The following PTPRN2 variants were observed in gnomAD, a reference collection of about 807,000 sequenced individuals.
PTPRN2 encodes receptor-type tyrosine-protein phosphatase N2.
Under a neutral mutation model 118.8 loss-of-function variants are expected in PTPRN2, and 74 were observed. The observed-to-expected ratio is 0.62, with a 90% CI of 0.52 to 0.76. The LOEUF is 0.76. PTPRN2 is among the 30% of genes least tolerant of loss of function. PTPRN2 has a pLI of 0.00. For missense variants in PTPRN2, 1,481 were observed against 1,394.4 expected (o/e 1.06, Z -0.99); for synonymous variants, 641 against 608.0 (o/e 1.05, Z -0.80).
At chr7:158,394,968 C>T (rs921090208) in intron 2 of PTPRN2, among the ~76,000 whole-genome samples, 1 of 152,236 alleles carries the variant, frequency 6.6e-6, no homozygotes, top group Non-Finnish European at 1.5e-5. Flanking sequence ...CCCCAGCCAG[C>T]ACTCAGGAGG....
At chr7:158,265,079 G>A (rs544046598) in intron 3 of PTPRN2, among the ~76,000 whole-genome samples, 18 of 152,020 alleles carry the variant, frequency 1.2e-4, no homozygotes, top group African/African-American at 4.4e-4. Flanking sequence ...ATCTGCTCCA[G>A]GTAGGCTACC....
At chr7:158,162,007 G>T (rs564732208) in intron 6 of PTPRN2, among the ~76,000 whole-genome samples, 178 of 152,130 alleles carry the variant, frequency 1.2e-3, no homozygotes, top group Non-Finnish European at 2.2e-3. Flanking sequence ...CCATCATCAG[G>T]GAAATGTGAA....
chr7:158,479,219 A>G (rs564118079), intron 2 of PTPRN2, among the ~76,000 whole-genome samples: 11 of 152,090 alleles, frequency 7.2e-5, no homozygotes, highest in Admixed American at 1.3e-4. Context: ...ATGTTACTCA[A>G]TGTGAGTGGG....
Position 158,071,069 on chromosome 7 carries a change from G to C in PTPRN2, c.1723+10229C>G, listed in dbSNP as rs969061141. The stretch of plus-strand genomic sequence containing the variant: ...GGTGCTCATGGTGGTGGAGGTGCTC[G>C]TGGTGGTGGAGGTGCCCGTGGTGGT... On this transcript the variant is annotated intron_variant, in intron 11 of 22. Coordinates refer to ENST00000389418, the MANE Select transcript of PTPRN2 (RefSeq NM_002847.5). Among the ~76,000 whole-genome samples, 41 of 53,430 alleles carry C rather than the reference G, an allele frequency of 7.7e-4. 1 individual carries two copies. Among genetic ancestry groups the C allele is most frequent in the Admixed American group, 1.0e-3 (6 of 5,794 alleles). 35.1% of individuals were successfully genotyped at this position (53,430 alleles called of 152,430 possible).
At chr7:158,156,759 C>A (rs922087543) in intron 6 of PTPRN2, among the ~76,000 whole-genome samples, 12 of 152,280 alleles carry the variant, frequency 7.9e-5, no homozygotes, top group Non-Finnish European at 1.6e-4. Flanking sequence ...CCTGTGCCCT[C>A]AGAGCGGAAG....
At chr7:157,923,175 C>T (rs952215816) in intron 11 of PTPRN2, among the ~76,000 whole-genome samples, 22 of 152,234 alleles carry the variant, frequency 1.4e-4, no homozygotes, top group African/African-American at 4.1e-4. Context: ...CTTTTAGAGA[C>T]GCCGTTCCAC....
At chr7:157,884,763 A>G (rs1796358781) in intron 12 of PTPRN2, among the ~76,000 whole-genome samples, 1 of 152,170 alleles carries the variant, frequency 6.6e-6, no homozygotes, top group Non-Finnish European at 1.5e-5. Context: ...ACAGCATGGG[A>G]AAGACCAGCC....
chr7:158,365,526 C>T (rs548611382), intron 2 of PTPRN2, among the ~76,000 whole-genome samples: 1 of 152,228 alleles, frequency 6.6e-6, no homozygotes, highest in Non-Finnish European at 1.5e-5. Flanking sequence ...GGAAACAGCA[C>T]GTGCTCCAGC....
At chr7:157,659,266 G>C (rs1795760349) in intron 13 of PTPRN2, among the ~76,000 whole-genome samples, 1 of 148,148 alleles carries the variant, frequency 6.8e-6, no homozygotes, top group African/African-American at 2.5e-5. Context: ...CTGGGGACAA[G>C]GAGGATGACC....
At chr7:158,365,850 C>CACA (rs57276163) in intron 2 of PTPRN2, among the ~76,000 whole-genome samples, 8,891 of 102,332 alleles carry the variant, frequency 0.087, 1,564 homozygotes, top group African/African-American at 0.11. Flanking sequence ...ACACACACAC[C>CACA]CACACACACA....
chr7:157,915,613 T>G (rs1279620077), intron 11 of PTPRN2, among the ~76,000 whole-genome samples: 5 of 152,110 alleles, frequency 3.3e-5, no homozygotes, highest in Admixed American at 2.6e-4. Context: ...TGTCTTCTAT[T>G]AGCCTTACCA....
At chr7:157,553,362 C>T (rs115373716) in intron 21 of PTPRN2, among the ~76,000 whole-genome samples, 2,686 of 152,288 alleles carry the variant, frequency 0.018, 81 homozygotes, top group African/African-American at 0.061. Context: ...GAATTCTGGC[C>T]GGAGCCATGA....
Position 157,554,990 on chromosome 7 carries a change from C to CGCCCCA in PTPRN2, c.2903-5972_2903-5971insTGGGGC, listed in dbSNP as rs1563208167. Among the ~76,000 whole-genome samples, 484 of 151,520 alleles carry CGCCCCA rather than the reference C, an allele frequency of 3.2e-3. 1 individual carries two copies. The highest frequency in any genetic ancestry group is 4.5e-3 in the Admixed American group (68 of 15,212). On this transcript the variant is annotated intron_variant, in intron 21 of 22. Transcript: ENST00000389418. ...GTGGCGGGCGCCCCAGTGTGGCGGG[C>CGCCCCA]GTCCCAGTGTGGTGAGCACCGGCCA...
chr7:157,754,717 TGTTTTCTTTGTAGTTA>T (rs891176675), intron 12 of PTPRN2, among the ~76,000 whole-genome samples: 18 of 152,338 alleles, frequency 1.2e-4, no homozygotes, highest in Non-Finnish European at 2.5e-4. Context: ...TTGGCATGCG[TGTTTTCTTTGTAGTTA>T]GTTTTCTTTG....
intron 11 of PTPRN2, among the ~76,000 whole-genome samples, chr7:157,948,322 G>A (rs1800606021): frequency 6.6e-6 from 1 of 152,204 alleles, no homozygotes; most frequent in Middle Eastern, 3.2e-3. Flanking sequence ...TGGGAAGGAA[G>A]CTATTCAGAA....
At chr7:158,001,425 G>A (rs545592429) in intron 11 of PTPRN2, among the ~76,000 whole-genome samples, 41 of 152,048 alleles carry the variant, frequency 2.7e-4, no homozygotes, top group Non-Finnish European at 4.3e-4. Context: ...CCTAAGTTCA[G>A]GCAGCAGCAA....
chr7:158,377,015 G>A (rs1230981239), intron 2 of PTPRN2, among the ~76,000 whole-genome samples: 3 of 136,684 alleles, frequency 2.2e-5, no homozygotes, highest in Non-Finnish European at 3.2e-5. Context: ...CACATGTCCT[G>A]AGACGGGGGT....
At chr7:158,120,615 A>G (rs1023241745) in intron 9 of PTPRN2, among the ~76,000 whole-genome samples, 5 of 152,234 alleles carry the variant, frequency 3.3e-5, no homozygotes, top group African/African-American at 1.2e-4. Context: ...CATTCTGTGT[A>G]ATTTTACAAT....
chr7:157,938,525 G>A (rs970146533), intron 11 of PTPRN2, among the ~76,000 whole-genome samples: 10 of 152,220 alleles, frequency 6.6e-5, no homozygotes, highest in South Asian at 2.1e-4. Context: ...GGAAGGAGAG[G>A]CCCAGGGAGG....
Sources: allele counts gnomAD v4.1 joint callset (sites outside exome capture counted in the v4.1 genomes callset), GRCh38; gene constraint gnomAD v4.1.1; transcripts MANE v1.5; gene names NCBI Gene and HGNC (gene_info 2026-07-23, HGNC 2026-07-21).